KCND2: variants seen among roughly 807,000 people sequenced by gnomAD.
KCND2 encodes A-type voltage-gated potassium channel KCND2.
In KCND2, 16 loss-of-function variants were observed where a neutral mutation model predicts 54.4. The observed-to-expected ratio is 0.29, with a 90% CI of 0.20 to 0.45. The LOEUF is 0.45. KCND2 is among the 20% of genes least tolerant of loss of function. KCND2 has a pLI of 1.00. For missense variants in KCND2, 486 were observed against 824.2 expected, an observed-to-expected ratio of 0.59 and a Z score of 5.02; for synonymous variants, 317 against 310.7, an observed-to-expected ratio of 1.02 and a Z score of -0.21.
chr7:120,406,202 A>G (rs1584765500), intron 1 of KCND2, among the ~76,000 whole-genome samples: 1 of 152,116 alleles, frequency 6.6e-6, no homozygotes, highest in East Asian at 1.9e-4. Context: ...TTACTTCTTG[A>G]AAAAAATTTT....
intron 1 of KCND2, among the ~76,000 whole-genome samples, chr7:120,463,166 T>C (rs763274255): frequency 3.3e-5 from 5 of 152,196 alleles, no homozygotes; most frequent in Admixed American, 6.5e-5. Context: ...CAGACTAAGA[T>C]GGTTAAACCA....
At chr7:120,395,690 G>A (rs911472019) in intron 1 of KCND2, among the ~76,000 whole-genome samples, 7 of 151,990 alleles carry the variant, frequency 4.6e-5, no homozygotes, top group Admixed American at 3.9e-4. Context: ...GGAAAATGGT[G>A]GGGAGTTTCC....
intron 1 of KCND2, among the ~76,000 whole-genome samples, chr7:120,408,367 A>C (rs1442541991): frequency 6.6e-6 from 1 of 151,866 alleles, no homozygotes; most frequent in African/African-American, 2.4e-5. Flanking sequence ...GATAATTCAG[A>C]CATATATCTC....
At chr7:120,469,045 G>A (rs1015550235) in intron 1 of KCND2, among the ~76,000 whole-genome samples, 5 of 151,934 alleles carry the variant, frequency 3.3e-5, no homozygotes, top group Non-Finnish European at 7.4e-5. Context: ...ACACAACACA[G>A]TACCTCTCAT....
At chr7:120,588,402 A>AGTGTGTGTGTGAGTGTGTGTGTGTGTGT (rs1792627259) in intron 1 of KCND2, among the ~76,000 whole-genome samples, 1 of 141,314 alleles carries the variant, frequency 7.1e-6, no homozygotes, top group African/African-American at 2.6e-5. Flanking sequence ...GCAACTGTGC[A>AGTGTGTGTGTGAGTGTGTGTGTGTGTGT]GTGTGTGTGT....
intron 1 of KCND2, among the ~76,000 whole-genome samples, chr7:120,682,665 A>C (rs1484795036): frequency 6.6e-6 from 1 of 152,152 alleles, no homozygotes; most frequent in African/African-American, 2.4e-5. Context: ...TTCAGAAATG[A>C]AGCAATGACA....
At chr7:120,337,214 C>A (rs1800164351) in intron 1 of KCND2, among the ~76,000 whole-genome samples, 1 of 151,996 alleles carries the variant, frequency 6.6e-6, no homozygotes, top group Non-Finnish European at 1.5e-5. Flanking sequence ...ACCTAGAAAA[C>A]CAAATAAGAT....
chr7:120,322,823 T>G (rs1799909712), intron 1 of KCND2, among the ~76,000 whole-genome samples: 1 of 152,068 alleles, frequency 6.6e-6, no homozygotes, highest in South Asian at 2.1e-4. Context: ...GAATACACGG[T>G]GTTTAAGGGT....
chr7:120,308,197 A>G (rs932810044), intron 1 of KCND2, among the ~76,000 whole-genome samples: 13 of 152,124 alleles, frequency 8.5e-5, no homozygotes, highest in African/African-American at 3.1e-4. Context: ...TCTCTTAGCC[A>G]TATCCATAGT....
intron 1 of KCND2, among the ~76,000 whole-genome samples, chr7:120,495,758 C>T (rs910766079): frequency 6.6e-6 from 1 of 152,140 alleles, no homozygotes; most frequent in African/African-American, 2.4e-5. Context: ...ATATCTCACC[C>T]ATGCCCTGCC....
At chr7:120,566,516 T>A (rs912430126) in intron 1 of KCND2, among the ~76,000 whole-genome samples, 1 of 152,164 alleles carries the variant, frequency 6.6e-6, no homozygotes, top group Admixed American at 6.6e-5. Context: ...CTAATGATTT[T>A]ATTTTTTATG....
intron 1 of KCND2, among the ~76,000 whole-genome samples, chr7:120,621,838 A>T (rs1793102839): frequency 6.6e-6 from 1 of 152,174 alleles, no homozygotes; most frequent in Non-Finnish European, 1.5e-5. Flanking sequence ...TCATTGACTG[A>T]TGAAGGCAGA....
At chr7:120,276,853 T>C (rs190818435) in intron 1 of KCND2, among the ~76,000 whole-genome samples, 196 of 152,260 alleles carry the variant, frequency 1.3e-3, no homozygotes, top group Non-Finnish European at 1.5e-3. Flanking sequence ...AGTTCTTAGA[T>C]AAGCTGGGGA....
chr7:120,548,385 A>G (rs1326284861), intron 1 of KCND2, among the ~76,000 whole-genome samples: 1 of 152,088 alleles, frequency 6.6e-6, no homozygotes, highest in Non-Finnish European at 1.5e-5. Context: ...GCTACTAGGG[A>G]AGCAAGTAGA....
chr7:120,667,731 C>A (rs991401874), intron 1 of KCND2, among the ~76,000 whole-genome samples: 2 of 152,016 alleles, frequency 1.3e-5, no homozygotes, highest in Non-Finnish European at 2.9e-5. Flanking sequence ...ATTTCTGTCC[C>A]TACTCAGTAG....
chr7:120,554,450 C>T (rs1792137940), intron 1 of KCND2, among the ~76,000 whole-genome samples: 1 of 151,804 alleles, frequency 6.6e-6, no homozygotes, highest in South Asian at 2.1e-4. Flanking sequence ...TCTCTGTAGC[C>T]CAGGCTGGAG....
intron 1 of KCND2, among the ~76,000 whole-genome samples, chr7:120,423,680 A>T (rs1247609848): frequency 1.3e-5 from 2 of 152,312 alleles, no homozygotes; most frequent in Admixed American, 1.3e-4. Context: ...GACAGGCAGG[A>T]ATTATTTCTG....
intron 1 of KCND2, among the ~76,000 whole-genome samples, chr7:120,355,806 G>T (rs980834365): frequency 2.6e-5 from 4 of 152,140 alleles, no homozygotes; most frequent in African/African-American, 9.7e-5. Context: ...GGAAATTCAT[G>T]CAACAGAAAC....
intron 1 of KCND2, among the ~76,000 whole-genome samples, chr7:120,561,486 G>A (rs1483903962): frequency 6.6e-6 from 1 of 151,826 alleles, no homozygotes; most frequent in African/African-American, 2.4e-5. Context: ...TATTTTACAG[G>A]TGAGGAAACA....
Sources: allele counts gnomAD v4.1 joint callset (sites outside exome capture counted in the v4.1 genomes callset), GRCh38; gene constraint gnomAD v4.1.1; transcripts MANE v1.5; gene names NCBI Gene and HGNC (gene_info 2026-07-23, HGNC 2026-07-21).